The following ROBO2 variants were observed in gnomAD, a reference collection of about 807,000 sequenced individuals.
ROBO2 encodes roundabout homolog 2.
Under a neutral mutation model 160.8 loss-of-function variants are expected in ROBO2, and 53 were observed. The ratio of observed to expected loss-of-function variants is 0.33; its 90% CI spans 0.26 to 0.41. The LOEUF (loss-of-function observed/expected upper bound fraction) is 0.41, where lower values mean the gene tolerates loss of function less well. Among genes scored for constraint, ROBO2 ranks in the 10% least tolerant of loss-of-function variants. ROBO2 has a pLI of 1.00. For synonymous variants in ROBO2, 664 were observed against 611.7 expected, an observed-to-expected ratio of 1.09 and a Z score of -1.26; for missense variants, 1,577 against 1,722.4, an observed-to-expected ratio of 0.92 and a Z score of 1.49.
intron 2 of ROBO2, among the ~76,000 whole-genome samples, chr3:77,020,683 C>G (rs112901126): frequency 8.6e-5 from 13 of 152,018 alleles, no homozygotes; most frequent in Non-Finnish European, 1.8e-4. Flanking sequence ...CATTAGAAAG[C>G]TTTATTTTTC....
At chr3:77,008,729 T>G (rs2061713941) in intron 2 of ROBO2, among the ~76,000 whole-genome samples, 1 of 152,138 alleles carries the variant, frequency 6.6e-6, no homozygotes, top group Non-Finnish European at 1.5e-5. Flanking sequence ...TGTCAAGATA[T>G]GAAAATTAGA....
At chr3:76,810,556 G>A (rs988527251) in intron 2 of ROBO2, among the ~76,000 whole-genome samples, 2 of 152,060 alleles carry the variant, frequency 1.3e-5, no homozygotes, top group Non-Finnish European at 2.9e-5. Flanking sequence ...AGTAAAGAGA[G>A]GAAGACACCA....
intron 2 of ROBO2, among the ~76,000 whole-genome samples, chr3:77,287,044 T>A (rs568429569): frequency 6.6e-6 from 1 of 152,328 alleles, no homozygotes; most frequent in African/African-American, 2.4e-5. Context: ...CTTTGACAAA[T>A]CCCTCTGCTT....
chr3:76,513,874 A>C (rs1161823254), intron 2 of ROBO2, among the ~76,000 whole-genome samples: 1 of 152,176 alleles, frequency 6.6e-6, no homozygotes, highest in Non-Finnish European at 1.5e-5. Flanking sequence ...TCACTCTTAA[A>C]ATTTTTAGAA....
intron 2 of ROBO2, among the ~76,000 whole-genome samples, chr3:77,267,207 G>T (rs1005828239): frequency 6.6e-6 from 1 of 152,020 alleles, no homozygotes; most frequent in African/African-American, 2.4e-5. Flanking sequence ...ACATGCCCAG[G>T]ACTCCCAAGT....
rs6809723 is a variant in ROBO2, at chr3:76,115,093, T to C, written c.109+177491T>C. 6.3e-4 allele frequency among the ~76,000 whole-genome samples: 96 copies of C among 152,240 alleles called. No homozygotes were observed. The Middle Eastern group carries it at 0.017, about 27-fold the overall frequency. The stretch of plus-strand genomic sequence containing the variant: ...AGATCTTTAACAGATGTTCTTATGG[T>C]TAGAACTCAACTTCGCATAAATCAC... On this transcript the variant is annotated intron_variant, in intron 2 of 26. Coordinates refer to the ROBO2 transcript ENST00000487694.
chr3:77,024,411 T>C (rs1006669678), intron 2 of ROBO2, among the ~76,000 whole-genome samples: 1 of 152,176 alleles, frequency 6.6e-6, no homozygotes, highest in African/African-American at 2.4e-5. Context: ...GTAAAATGGA[T>C]AGCTTGAGAC....
intron 2 of ROBO2, among the ~76,000 whole-genome samples, chr3:76,501,639 A>C (rs1335338921): frequency 6.6e-6 from 1 of 152,202 alleles, no homozygotes; most frequent in Admixed American, 6.5e-5. Flanking sequence ...ATTTGAACTC[A>C]ATTTTGACCA....
chr3:77,405,472 A>C (rs2076179891), intron 2 of ROBO2, among the ~76,000 whole-genome samples: 1 of 152,118 alleles, frequency 6.6e-6, no homozygotes, highest in Admixed American at 6.6e-5. Context: ...AGTTTTAAAT[A>C]GCAGTTATGT....
intron 2 of ROBO2, among the ~76,000 whole-genome samples, chr3:77,201,479 G>A (rs1292240906): frequency 6.6e-6 from 1 of 151,998 alleles, no homozygotes; most frequent in Non-Finnish European, 1.5e-5. Context: ...GTTACTCTTT[G>A]TGCCTCTAAA....
chr3:76,340,849 C>T (rs1484371773), intron 2 of ROBO2, among the ~76,000 whole-genome samples: 1 of 152,044 alleles, frequency 6.6e-6, no homozygotes, highest in African/African-American at 2.4e-5. Context: ...TTATATTCTG[C>T]CACAAGAATT....
At chr3:75,998,108 A>G (rs1171750485) in intron 2 of ROBO2, among the ~76,000 whole-genome samples, 6 of 152,198 alleles carry the variant, frequency 3.9e-5, no homozygotes, top group East Asian at 3.9e-4. Context: ...TAATCATTCT[A>G]TATCTACATA....
intron 2 of ROBO2, among the ~76,000 whole-genome samples, chr3:76,704,685 T>A (rs931095269): frequency 1.3e-5 from 2 of 152,038 alleles, no homozygotes; most frequent in Non-Finnish European, 2.9e-5. Flanking sequence ...GAAACTAGAA[T>A]TGTGAAGGAG....
intron 2 of ROBO2, among the ~76,000 whole-genome samples, chr3:77,407,305 CTA>C: frequency 6.6e-6 from 1 of 151,916 alleles, no homozygotes; most frequent in East Asian, 1.9e-4. Context: ...AAAATCAACT[CTA>C]GAGTAGTTTT....
chr3:77,293,807 C>T (rs1028204344), intron 2 of ROBO2, among the ~76,000 whole-genome samples: 2 of 137,354 alleles, frequency 1.5e-5, no homozygotes, highest in African/African-American at 6.0e-5. Flanking sequence ...GAGGCTAGAA[C>T]AGTAAAGACA....
chr3:77,287,598 G>A (rs2060697357), intron 2 of ROBO2, among the ~76,000 whole-genome samples: 1 of 152,126 alleles, frequency 6.6e-6, no homozygotes, highest in Admixed American at 6.6e-5. Flanking sequence ...GAAAACTTAA[G>A]GAAACATTCA....
At chr3:77,378,572 A>C (rs932069816) in intron 2 of ROBO2, among the ~76,000 whole-genome samples, 1 of 152,212 alleles carries the variant, frequency 6.6e-6, no homozygotes, top group African/African-American at 2.4e-5. Flanking sequence ...AAAGTGGTAA[A>C]GCCAGGATTT....
At chr3:75,957,330 C>T (rs973444687) in intron 2 of ROBO2, among the ~76,000 whole-genome samples, 2 of 150,924 alleles carry the variant, frequency 1.3e-5, no homozygotes, top group African/African-American at 4.9e-5. Context: ...GTGCTAATAA[C>T]CATATCAATT....
At chr3:77,324,340 A>G (rs1048196424) in intron 2 of ROBO2, among the ~76,000 whole-genome samples, 1 of 152,226 alleles carries the variant, frequency 6.6e-6, no homozygotes, top group Non-Finnish European at 1.5e-5. Flanking sequence ...AACTGTGATG[A>G]AAAACTGCAT....
Sources: gnomAD v4.1 joint callset for allele counts (sites outside exome capture counted in the v4.1 genomes callset) on GRCh38, gnomAD v4.1.1 for gene constraint, MANE v1.5 for transcripts, NCBI Gene and HGNC (gene_info 2026-07-23, HGNC 2026-07-21) for gene names.